ADGRE1: variants seen among roughly 807,000 people sequenced by gnomAD.
The protein encoded by ADGRE1 is EGF-like module receptor 1.
In ADGRE1, 82 loss-of-function variants were observed where a neutral mutation model predicts 102.7. The observed-to-expected ratio is 0.80, with a 90% CI of 0.67 to 0.96. ADGRE1 has a LOEUF of 0.96. Among genes scored for constraint, ADGRE1 ranks in the 40% least tolerant of loss-of-function variants. The pLI, the probability that ADGRE1 is intolerant of heterozygous loss-of-function variation, is 0.00. For missense variants in ADGRE1, 1,032 were observed against 1,085.3 expected (o/e 0.95, Z 0.69); for synonymous variants, 398 against 399.6 (o/e 1.00, Z 0.05).
chr19:6,922,612 T>A (rs10411363), intron 14 of ADGRE1, among the ~76,000 whole-genome samples: 2,516 of 123,166 alleles, frequency 0.02, 68 homozygotes, highest in African/African-American at 0.058. Flanking sequence ...AGACTCTGTC[T>A]CACACACACA....
intron 1 of ADGRE1, among the ~76,000 whole-genome samples, chr19:6,887,908 G>GA (rs1973207992): frequency 6.6e-6 from 1 of 151,986 alleles, no homozygotes. Flanking sequence ...ATAGCAGTGA[G>GA]AAAAAAAGAC....
At chr19:6,927,134 A>G (rs1974950734) in intron 16 of ADGRE1, among the ~76,000 whole-genome samples, 2 of 152,142 alleles carry the variant, frequency 1.3e-5, no homozygotes, top group East Asian at 1.9e-4. Context: ...AAAAGCAGCT[A>G]ATGTACACTA....
intron 5 of ADGRE1, among the ~76,000 whole-genome samples, chr19:6,900,557 C>T (rs965211123): frequency 4.6e-5 from 7 of 152,138 alleles, no homozygotes; most frequent in African/African-American, 1.7e-4. Context: ...GCTTGATCAT[C>T]ACTGCAGCAG....
chr19:6,932,397 G>A (rs1279617094), intron 17 of ADGRE1, among the ~76,000 whole-genome samples: 6 of 152,226 alleles, frequency 3.9e-5, no homozygotes, highest in African/African-American at 9.6e-5. Context: ...GAACCTGGGC[G>A]GTGGAGCTTG....
At chr19:6,932,488 A>G (rs1975201348) in intron 17 of ADGRE1, among the ~76,000 whole-genome samples, 1 of 152,110 alleles carries the variant, frequency 6.6e-6, no homozygotes, top group African/African-American at 2.4e-5. Context: ...ATAAAAATAA[A>G]TAAATAAATA....
chr19:6,905,400 T>A (rs2144919888), intron 8 of ADGRE1, among the ~76,000 whole-genome samples: 1 of 150,518 alleles, frequency 6.6e-6, no homozygotes, highest in Non-Finnish European at 1.5e-5. Context: ...TCGCCCAGAC[T>A]GGAGTGCAGG....
chr19:6,888,748 A>G (rs567574220), intron 1 of ADGRE1, among the ~76,000 whole-genome samples: 1 of 152,356 alleles, frequency 6.6e-6, no homozygotes, highest in African/African-American at 2.4e-5. Context: ...AATTTTTGTT[A>G]GTAATAATAG....
At chr19:6,904,864 C>A (rs10402834) in intron 8 of ADGRE1, among the ~76,000 whole-genome samples, 2 of 151,794 alleles carry the variant, frequency 1.3e-5, no homozygotes, top group African/African-American at 4.8e-5. Context: ...AAGCAAACAA[C>A]ATTTAAGCAG....
chr19:6,932,239 C>T (rs8104356), intron 17 of ADGRE1, among the ~76,000 whole-genome samples: 79,114 of 151,784 alleles, frequency 0.52, 22,246 homozygotes, highest in African/African-American at 0.73. Context: ...GAGGCTGAGG[C>T]AGGCGGATCA....
chr19:6,921,487 A>T (rs1974665413), intron 13 of ADGRE1, among the ~76,000 whole-genome samples: 1 of 152,170 alleles, frequency 6.6e-6, no homozygotes, highest in African/African-American at 2.4e-5. Flanking sequence ...AGAAGGCTTT[A>T]TTATGGATTT....
chr19:6,936,292 C>T (rs967768820), intron 18 of ADGRE1, among the ~76,000 whole-genome samples: 6 of 151,770 alleles, frequency 4.0e-5, no homozygotes, highest in South Asian at 2.1e-4. Context: ...AAAAATTAGC[C>T]GGGCATGGTG....
intron 10 of ADGRE1, among the ~76,000 whole-genome samples, chr19:6,912,119 CACAA>C (rs1379773053): frequency 1.3e-5 from 2 of 149,094 alleles, no homozygotes; most frequent in Non-Finnish European, 2.9e-5. Flanking sequence ...CATACATATA[CACAA>C]ACACACATAC....
intron 20 of ADGRE1, among the ~76,000 whole-genome samples, chr19:6,938,193 C>T (rs1040683903): frequency 2.6e-5 from 4 of 151,896 alleles, no homozygotes; most frequent in Non-Finnish European, 5.9e-5. Context: ...CAAAATTAGC[C>T]GGGCATGGTG....
At chr19:6,922,128 T>C (rs778620436) in intron 14 of ADGRE1, among the ~76,000 whole-genome samples, 1 of 152,082 alleles carries the variant, frequency 6.6e-6, no homozygotes, top group Non-Finnish European at 1.5e-5. Context: ...ACTGGAGCAA[T>C]CACAGATCTT....
intron 2 of ADGRE1, among the ~76,000 whole-genome samples, chr19:6,891,622 T>G (rs541215478): frequency 7.9e-5 from 12 of 151,890 alleles, no homozygotes; most frequent in Admixed American, 7.9e-4. Flanking sequence ...CCTGGCTAAT[T>G]TTTTTGTATT....
intron 20 of ADGRE1, 49 bp downstream of exon 20, chr19:6,937,697 C>T (rs1214215058): frequency 6.4e-7 from 1 of 1,571,182 alleles, no homozygotes; most frequent in Non-Finnish European, 8.7e-7. Flanking sequence ...GAGGTGCCGG[C>T]CTCTTGGTGA....
chr19:6,907,073 AT>A (rs1973988506), intron 9 of ADGRE1, among the ~76,000 whole-genome samples: 1 of 152,128 alleles, frequency 6.6e-6, no homozygotes, highest in African/African-American at 2.4e-5. Flanking sequence ...GCCAAAAGGA[AT>A]TTGGACATCC....
intron 15 of ADGRE1, among the ~76,000 whole-genome samples, chr19:6,926,116 C>T (rs866142307): frequency 1.3e-5 from 2 of 152,158 alleles, no homozygotes; most frequent in Non-Finnish European, 2.9e-5. Context: ...TAAAACTCTT[C>T]CTGTTTTAGA....
intron 10 of ADGRE1, among the ~76,000 whole-genome samples, chr19:6,911,447 TAATC>T (rs571187052): frequency 2.7e-5 from 4 of 148,318 alleles, no homozygotes; most frequent in South Asian, 2.2e-4. Context: ...TTATTGATAA[TAATC>T]AATAATAAGG....
Sources: allele counts gnomAD v4.1 joint callset (sites outside exome capture counted in the v4.1 genomes callset), GRCh38; gene constraint gnomAD v4.1.1; transcripts MANE v1.5; gene names NCBI Gene and HGNC (gene_info 2026-07-23, HGNC 2026-07-21).